EXOC2: variants seen among roughly 807,000 people sequenced by gnomAD.
EXOC2 encodes exocyst complex component 2.
EXOC2 carries 70 observed loss-of-function variants against 131.8 expected under a neutral mutation model. The ratio of observed to expected loss-of-function variants is 0.53; its 90% CI spans 0.44 to 0.65. The LOEUF is 0.65. Ranked by LOEUF, EXOC2 falls within the 30% of genes least tolerant of loss-of-function variation. EXOC2 has a pLI of 0.00. For missense variants in EXOC2, 923 were observed against 1,108.6 expected, an observed-to-expected ratio of 0.83 and a Z score of 2.38; for synonymous variants, 411 against 398.4, an observed-to-expected ratio of 1.03 and a Z score of -0.38.
intron 21 of EXOC2, among the ~76,000 whole-genome samples, chr6:551,535 A>T (rs1481829228): frequency 2.0e-5 from 3 of 152,218 alleles, no homozygotes; most frequent in African/African-American, 7.2e-5. Flanking sequence ...CTGCCGCGTC[A>T]CAGGGAGTCC....
At chr6:531,716 T>C (rs992459361) in intron 23 of EXOC2, among the ~76,000 whole-genome samples, 4 of 152,232 alleles carry the variant, frequency 2.6e-5, no homozygotes, top group African/African-American at 9.6e-5. Flanking sequence ...TGGTGCTTTG[T>C]TATATCTGCA....
intron 24 of EXOC2, among the ~76,000 whole-genome samples, chr6:497,867 T>C (rs763952046): frequency 5.3e-5 from 8 of 152,334 alleles, no homozygotes; most frequent in Middle Eastern, 3.4e-3. Context: ...TTTAAAAAAA[T>C]ATTGTGTCAG....
chr6:527,471 C>T (rs1765809608), intron 23 of EXOC2, among the ~76,000 whole-genome samples: 1 of 152,228 alleles, frequency 6.6e-6, no homozygotes, highest in Non-Finnish European at 1.5e-5. Flanking sequence ...ATTAGACTTA[C>T]ATTTTCTTTC....
intron 22 of EXOC2, among the ~76,000 whole-genome samples, chr6:543,814 G>C (rs1484253146): frequency 2.0e-5 from 3 of 152,208 alleles, no homozygotes; most frequent in Non-Finnish European, 4.4e-5. Flanking sequence ...GAAGGAGGAA[G>C]ATGACTGGTT....
intron 25 of EXOC2, 102 bp from the exon 26 acceptor site, chr6:491,288 G>T: frequency 8.1e-7 from 1 of 1,229,070 alleles, no homozygotes; most frequent in Non-Finnish European, 1.2e-6. Context: ...TCGTAGGATG[G>T]GGTTGGCGTA....
intron 25 of EXOC2, among the ~76,000 whole-genome samples, chr6:492,214 G>A (rs546823213): frequency 3.0e-4 from 45 of 152,174 alleles, no homozygotes; most frequent in African/African-American, 4.3e-4. Context: ...ACAGAATGAG[G>A]TATCACTTCA....
chr6:563,953 C>G (rs915788265), intron 16 of EXOC2, 80 bp downstream of exon 16: 9 of 1,525,724 alleles, frequency 5.9e-6, no homozygotes, highest in African/African-American at 2.8e-5. Context: ...CCCTTGTTTT[C>G]AAGGATTTGG....
rs760510601 is a variant in EXOC2 at position 499,719 on chromosome 6, A to C, written c.2381-19T>G. ...CTGACACCTGAAATTGAAATAAAGG[A>C]GAGAAAGAAGGCATTAATAATAACA... On this transcript the variant is annotated intron_variant, in intron 23 of 27. Transcript: ENST00000230449. The C allele has an allele frequency of 3.1e-6, 5 of 1,606,538 alleles. No homozygotes were observed. Among genetic ancestry groups the C allele is most frequent in the Non-Finnish European group, 4.3e-6 (5 of 1,173,192 alleles).
At chr6:540,573 A>T (rs1300524565) in intron 22 of EXOC2, among the ~76,000 whole-genome samples, 1 of 152,202 alleles carries the variant, frequency 6.6e-6, no homozygotes, top group Non-Finnish European at 1.5e-5. Context: ...AACTGAAGAA[A>T]CAAGGAACAA....
At chr6:608,443 A>G (rs1357190074) in intron 7 of EXOC2, among the ~76,000 whole-genome samples, 1 of 152,272 alleles carries the variant, frequency 6.6e-6, no homozygotes, top group African/African-American at 2.4e-5. Context: ...GGAAATTTTA[A>G]TAGCAAAAAG....
intron 1 of EXOC2, among the ~76,000 whole-genome samples, chr6:690,644 A>G (rs983067464): frequency 1.3e-5 from 2 of 152,228 alleles, no homozygotes; most frequent in African/African-American, 4.8e-5. Flanking sequence ...CAGAGCTTGC[A>G]CTGAGCAGAG....
chr6:628,065 A>G (rs919371249), intron 4 of EXOC2, among the ~76,000 whole-genome samples: 1 of 152,230 alleles, frequency 6.6e-6, no homozygotes, highest in Non-Finnish European at 1.5e-5. Context: ...TGTAAGGATG[A>G]ACACTTGTGA....
At chr6:641,556 T>C (rs1273023802) in intron 1 of EXOC2, among the ~76,000 whole-genome samples, 5 of 152,172 alleles carry the variant, frequency 3.3e-5, no homozygotes, top group Non-Finnish European at 7.3e-5. Context: ...TAATCAATCA[T>C]GCCTACGTAA....
intron 21 of EXOC2, among the ~76,000 whole-genome samples, chr6:552,601 T>C (rs2127570463): frequency 6.8e-6 from 1 of 146,866 alleles, no homozygotes; most frequent in Non-Finnish European, 1.5e-5. Context: ...TGGATATCTC[T>C]ACCTGTATGT....
chr6:507,137 TACAC>T (rs551491811), intron 23 of EXOC2, among the ~76,000 whole-genome samples: 15,885 of 44,742 alleles, frequency 0.36, 1,649 homozygotes, highest in Middle Eastern at 0.45. Context: ...CACACACACA[TACAC>T]ACACACACAC....
At chr6:537,317 A>ATGACGGCCGACGGAGCGTACACTCGAGT (rs1371854119) in intron 22 of EXOC2, among the ~76,000 whole-genome samples, 10 of 132,444 alleles carry the variant, frequency 7.6e-5, no homozygotes, top group African/African-American at 2.6e-4. Context: ...CACACACGAG[A>ATGACGGCCGACGGAGCGTACACTCGAGT]TGACGGCCGA....
At chr6:606,623 T>G (rs1760430345) in intron 7 of EXOC2, among the ~76,000 whole-genome samples, 1 of 152,226 alleles carries the variant, frequency 6.6e-6, no homozygotes, top group South Asian at 2.1e-4. Context: ...TGAATCAACT[T>G]CTGATATTTT....
intron 7 of EXOC2, among the ~76,000 whole-genome samples, chr6:607,973 C>A (rs1219655825): frequency 1.3e-5 from 2 of 151,868 alleles, no homozygotes; most frequent in Non-Finnish European, 2.9e-5. Flanking sequence ...AGAAAGATTG[C>A]CCAATTTAAA....
In EXOC2 at chr6:656,624, C is replaced by A. The variant is rs892829173; in HGVS notation, c.-43-18763G>T. Reference sequence around the variant, plus strand: ...CCGCCACCGTGAGGGAGGGGCGGCGCTTGTGGGTCAGCTGCAGCTTCAGGG... The same window carrying A: ...CCGCCACCGTGAGGGAGGGGCGGCGATTGTGGGTCAGCTGCAGCTTCAGGG... On this transcript the variant is annotated intron_variant, in intron 1 of 27. Coordinates refer to ENST00000230449, the MANE Select transcript of EXOC2 (RefSeq NM_018303.6). 10 of 1,604,742 alleles carry A rather than the reference C, an allele frequency of 6.2e-6. No homozygotes were observed. In the South Asian group the frequency reaches 1.1e-4, roughly 18 times the overall value.
Sources: gnomAD v4.1 joint callset for allele counts (sites outside exome capture counted in the v4.1 genomes callset) on GRCh38, gnomAD v4.1.1 for gene constraint, MANE v1.5 for transcripts, NCBI Gene and HGNC (gene_info 2026-07-23, HGNC 2026-07-21) for gene names.